Variants in PTPRD observed in about 807,000 individuals in gnomAD.
PTPRD encodes receptor-type tyrosine-protein phosphatase delta.
In PTPRD, 34 loss-of-function variants were observed where a neutral mutation model predicts 214.5. The observed-to-expected ratio is 0.16, with a 90% CI of 0.12 to 0.21. The LOEUF is 0.21. Among genes scored for constraint, PTPRD ranks in the 10% least tolerant of loss-of-function variants. The pLI, the probability that PTPRD is intolerant of heterozygous loss-of-function variation, is 1.00. For synonymous variants in PTPRD, 1,128 were observed against 845.7 expected, an observed-to-expected ratio of 1.33 and a Z score of -5.79; for missense variants, 2,545 against 2,398.7, an observed-to-expected ratio of 1.06 and a Z score of -1.27.
intron 5 of PTPRD, among the ~76,000 whole-genome samples, chr9:9,784,403 C>G (rs1458371077): frequency 2.0e-5 from 3 of 152,132 alleles, no homozygotes; most frequent in African/African-American, 7.2e-5. Flanking sequence ...AATAAGCTTT[C>G]AACCACAGCA....
At chr9:10,531,781 A>T (rs922954151) in intron 2 of PTPRD, among the ~76,000 whole-genome samples, 1 of 152,178 alleles carries the variant, frequency 6.6e-6, no homozygotes, top group African/African-American at 2.4e-5. Context: ...AACAAACACA[A>T]TTGTAGCTTT....
At chr9:10,445,692 T>C (rs1195584504) in intron 2 of PTPRD, among the ~76,000 whole-genome samples, 3 of 151,910 alleles carry the variant, frequency 2.0e-5, no homozygotes, top group East Asian at 1.9e-4. Context: ...GCTGAGCAGA[T>C]GGAACACTTA....
At chr9:8,319,357 T>C (rs917763452) in intron 45 of PTPRD, among the ~76,000 whole-genome samples, 3 of 152,014 alleles carry the variant, frequency 2.0e-5, no homozygotes, top group Non-Finnish European at 2.9e-5. Context: ...AATATTAATA[T>C]CTCTAGGCTT....
At chr9:10,475,356 A>C in intron 2 of PTPRD, among the ~76,000 whole-genome samples, 1 of 152,106 alleles carries the variant, frequency 6.6e-6, no homozygotes, top group Non-Finnish European at 1.5e-5. Flanking sequence ...TATTATAAAC[A>C]CCTCTACACA....
intron 10 of PTPRD, among the ~76,000 whole-genome samples, chr9:9,046,567 T>A (rs2099672682): frequency 6.6e-6 from 1 of 152,188 alleles, no homozygotes; most frequent in Non-Finnish European, 1.5e-5. Flanking sequence ...CTTTTATTGA[T>A]AATTTTTAGG....
intron 7 of PTPRD, among the ~76,000 whole-genome samples, chr9:9,665,009 T>A (rs1335302094): frequency 6.6e-6 from 1 of 151,752 alleles, no homozygotes; most frequent in African/African-American, 2.4e-5. Flanking sequence ...CATATTATTA[T>A]ATGTCAACAA....
intron 3 of PTPRD, among the ~76,000 whole-genome samples, chr9:10,073,802 T>A (rs2098081197): frequency 6.6e-6 from 1 of 152,124 alleles, no homozygotes; most frequent in Admixed American, 6.6e-5. Flanking sequence ...GTCACATTTA[T>A]CCTCTACTCC....
chr9:9,208,451 T>A (rs1279651496), intron 9 of PTPRD, among the ~76,000 whole-genome samples: 1 of 152,102 alleles, frequency 6.6e-6, no homozygotes, highest in Non-Finnish European at 1.5e-5. Flanking sequence ...CACATTTTAA[T>A]TCATATGGAG....
intron 8 of PTPRD, among the ~76,000 whole-genome samples, chr9:9,404,353 C>G (rs2141542238): frequency 6.6e-6 from 1 of 152,028 alleles, no homozygotes; most frequent in South Asian, 2.1e-4. Flanking sequence ...GTGGTTTATA[C>G]TAAAGTGTAG....
At chr9:8,781,849 G>T (rs1343683336) in intron 11 of PTPRD, among the ~76,000 whole-genome samples, 1 of 152,144 alleles carries the variant, frequency 6.6e-6, no homozygotes, top group Non-Finnish European at 1.5e-5. Flanking sequence ...CATTGTGAAA[G>T]GTCCTTCCAT....
intron 14 of PTPRD, among the ~76,000 whole-genome samples, chr9:8,547,370 C>T (rs7033931): frequency 0.11 from 16,888 of 152,038 alleles, 955 homozygotes; most frequent in South Asian, 0.16. Flanking sequence ...GTTAAATAGG[C>T]ATAGTGGGCC....
intron 34 of PTPRD, among the ~76,000 whole-genome samples, chr9:8,442,708 A>G (rs1472588014): frequency 6.6e-6 from 1 of 152,160 alleles, no homozygotes; most frequent in Non-Finnish European, 1.5e-5. Context: ...GAATTCCCTG[A>G]ATCAAATACA....
At chr9:8,928,570 TTTGGTACCAG>T (rs2098921135) in intron 11 of PTPRD, among the ~76,000 whole-genome samples, 5 of 24,074 alleles carry the variant, frequency 2.1e-4, no homozygotes, top group Non-Finnish European at 3.1e-4. Context: ...ATATCTCTGT[TTTGGTACCAG>T]TTGGTTACTC....
chr9:8,454,410 C>A (rs2096094198), intron 33 of PTPRD, among the ~76,000 whole-genome samples: 1 of 152,070 alleles, frequency 6.6e-6, no homozygotes, highest in African/African-American at 2.4e-5. Context: ...TTATTTTCCC[C>A]AGAATCATCT....
chr9:8,752,621 C>T (rs2093637117), intron 11 of PTPRD, among the ~76,000 whole-genome samples: 1 of 152,264 alleles, frequency 6.6e-6, no homozygotes, highest in Non-Finnish European at 1.5e-5. Context: ...ATCGGGACCC[C>T]TTTCCTGTAA....
At position 9,763,324 on chromosome 9, in the gene PTPRD, C is replaced by G. The variant is rs77550655; in HGVS notation, c.-326+3486G>C. 4.0e-4 allele frequency among the ~76,000 whole-genome samples: 61 copies of G among 152,208 alleles called. No homozygotes were observed. The East Asian group carries it at 0.01, about 25-fold the overall frequency. On this transcript the variant is annotated intron_variant, in intron 6 of 45. Coordinates refer to ENST00000381196, the MANE Select transcript of PTPRD (RefSeq NM_002839.4). Reference sequence around the variant, plus strand: ...CTTTTTCTAAGCATTTTCCTGAACCCTGTCCCCTAACAAAAGCACATCAAA... The same window carrying G: ...CTTTTTCTAAGCATTTTCCTGAACCGTGTCCCCTAACAAAAGCACATCAAA...
At position 9,654,648 on chromosome 9, in the gene PTPRD, T is replaced by C. The variant is rs1203023723; in HGVS notation, c.-286-79867A>G. The stretch of plus-strand genomic sequence containing the variant: ...GAACATTCTACATTCCCATGTTTGG[T>C]TATCTAATTTTTCTGTCCTCAGGTT... On this transcript the variant is annotated intron_variant, in intron 7 of 45. Transcript: ENST00000381196. 1.1e-4 allele frequency among the ~76,000 whole-genome samples: 16 copies of C among 152,312 alleles called. No homozygotes were observed. In the South Asian group the frequency reaches 1.9e-3, roughly 18 times the overall value.
intron 12 of PTPRD, among the ~76,000 whole-genome samples, chr9:8,689,435 G>A (rs571990568): frequency 6.6e-6 from 1 of 152,234 alleles, no homozygotes; most frequent in Admixed American, 6.5e-5. Flanking sequence ...AGGTTTAACT[G>A]GACTTATAAT....
At chr9:8,338,747 C>CAGAGGAAAAGTTACTCTTA (rs1849400739) in intron 43 of PTPRD, among the ~76,000 whole-genome samples, 175 bp downstream of exon 43, 1 of 149,518 alleles carries the variant, frequency 6.7e-6, no homozygotes, top group African/African-American at 2.5e-5. Context: ...GCTTGCCAGA[C>CAGAGGAAAAGTTACTCTTA]AGAGGAAAAG....
Sources: allele counts gnomAD v4.1 joint callset (sites outside exome capture counted in the v4.1 genomes callset), GRCh38; gene constraint gnomAD v4.1.1; transcripts MANE v1.5; gene names NCBI Gene and HGNC (gene_info 2026-07-23, HGNC 2026-07-21).